KIAA0825: variants seen among roughly 807,000 people sequenced by gnomAD.
KIAA0825 encodes the protein KIAA0825, also known as uncharacterized protein KIAA0825.
A neutral mutation model predicts 147.6 loss-of-function variants in KIAA0825; 119 were observed. The ratio of observed to expected loss-of-function variants is 0.81; its 90% CI spans 0.69 to 0.94. The LOEUF is 0.94. Among genes scored for constraint, KIAA0825 ranks in the 40% least tolerant of loss-of-function variants. KIAA0825 has a pLI of 0.00. For synonymous variants in KIAA0825, 470 were observed against 518.1 expected (o/e 0.91, Z 1.26); for missense variants, 1,381 against 1,472.7 (o/e 0.94, Z 1.02).
intron 20 of KIAA0825, among the ~76,000 whole-genome samples, chr5:94,316,783 TG>T (rs1264509708): frequency 3.9e-5 from 6 of 151,956 alleles, no homozygotes; most frequent in Non-Finnish European, 8.8e-5. Flanking sequence ...TTTATTTTAT[TG>T]TTTTTTTAAT....
intron 2 of KIAA0825, among the ~76,000 whole-genome samples, chr5:94,560,882 G>T (rs1777439519): frequency 6.6e-6 from 1 of 152,154 alleles, no homozygotes; most frequent in South Asian, 2.1e-4. Context: ...ACACACATTT[G>T]GTTTTAACTC....
intron 20 of KIAA0825, among the ~76,000 whole-genome samples, chr5:94,298,295 T>C (rs1263983957): frequency 6.6e-6 from 1 of 151,978 alleles, no homozygotes; most frequent in Non-Finnish European, 1.5e-5. Flanking sequence ...CTACTCCAGG[T>C]GTCAACTGTA....
intron 20 of KIAA0825, among the ~76,000 whole-genome samples, chr5:94,296,584 A>G (rs1216041341): frequency 6.6e-6 from 1 of 152,180 alleles, no homozygotes; most frequent in Non-Finnish European, 1.5e-5. Context: ...TGATGGGAAA[A>G]GCATAGTATC....
intron 20 of KIAA0825, among the ~76,000 whole-genome samples, chr5:94,369,418 C>T (rs1041540620): frequency 2.6e-5 from 4 of 152,170 alleles, no homozygotes; most frequent in Non-Finnish European, 4.4e-5. Context: ...GACATATTTA[C>T]ATTACTTGCC....
intron 2 of KIAA0825, among the ~76,000 whole-genome samples, chr5:94,556,391 A>G (rs1482354623): frequency 6.6e-6 from 1 of 152,192 alleles, no homozygotes; most frequent in Non-Finnish European, 1.5e-5. Context: ...TGTCAATTAC[A>G]TTTTAAAGAA....
At chr5:94,541,647 T>G (rs915756231) in intron 2 of KIAA0825, among the ~76,000 whole-genome samples, 2 of 152,226 alleles carry the variant, frequency 1.3e-5, no homozygotes, top group Non-Finnish European at 2.9e-5. Flanking sequence ...GGCAAAGACT[T>G]GCTTTTAATC....
chr5:94,461,573 T>A (rs1424031225), intron 12 of KIAA0825, among the ~76,000 whole-genome samples: 1 of 151,924 alleles, frequency 6.6e-6, no homozygotes, highest in Non-Finnish European at 1.5e-5. Context: ...TTATTGAAAG[T>A]CAGAGTAGGT....
intron 20 of KIAA0825, among the ~76,000 whole-genome samples, chr5:94,268,342 C>G (rs1776824439): frequency 6.6e-6 from 1 of 151,976 alleles, no homozygotes; most frequent in African/African-American, 2.4e-5. Context: ...TCTGGGCGGG[C>G]TGGGTGTTGG....
chr5:94,587,364 T>C (rs1783502380), intron 1 of KIAA0825, among the ~76,000 whole-genome samples: 1 of 152,166 alleles, frequency 6.6e-6, no homozygotes, highest in Admixed American at 6.6e-5. Context: ...ACAAAATCAA[T>C]GTGCAAAAAT....
intron 18 of KIAA0825, among the ~76,000 whole-genome samples, chr5:94,391,201 C>T (rs1749847286): frequency 6.6e-6 from 1 of 152,222 alleles, no homozygotes; most frequent in African/African-American, 2.4e-5. Flanking sequence ...TGAAAATTCA[C>T]TGTACAAATA....
chr5:94,284,190 T>G (rs751709195), intron 20 of KIAA0825, among the ~76,000 whole-genome samples: 2 of 152,160 alleles, frequency 1.3e-5, no homozygotes, highest in African/African-American at 2.4e-5. Flanking sequence ...TATTTTCCTC[T>G]TCTTGGACCT....
chr5:94,572,188 T>A (rs1323179483), intron 2 of KIAA0825, among the ~76,000 whole-genome samples: 1 of 151,586 alleles, frequency 6.6e-6, no homozygotes, highest in African/African-American at 2.4e-5. Flanking sequence ...AAATGTACAA[T>A]CAACTGACCA....
At chr5:94,389,770 G>A (rs1391149000) in intron 18 of KIAA0825, among the ~76,000 whole-genome samples, 1 of 152,182 alleles carries the variant, frequency 6.6e-6, no homozygotes, top group Non-Finnish European at 1.5e-5. Context: ...ATGCTAGTCA[G>A]CTAGTCATGC....
chr5:94,612,862 AAAAAC>A (rs754981795), intron 1 of KIAA0825, among the ~76,000 whole-genome samples: 24 of 152,342 alleles, frequency 1.6e-4, no homozygotes, highest in East Asian at 5.8e-4. Context: ...TGAGTTTATT[AAAAAC>A]AAAACAAAAC....
At chr5:94,521,050 ATTTGAAATTTAATCAATTCAGATGT>A in intron 4 of KIAA0825, 133 bp from the exon 5 acceptor site, 1 of 823,350 alleles carries the variant, frequency 1.2e-6, no homozygotes, top group South Asian at 2.1e-5. Context: ...ATTTTTTTGC[ATTTGAAATTTAATCAATTCAGATGT>A]TTTAGAATGT....
intron 3 of KIAA0825, among the ~76,000 whole-genome samples, chr5:94,532,936 A>G (rs1374805023): frequency 6.6e-6 from 1 of 151,438 alleles, no homozygotes; most frequent in African/African-American, 2.4e-5. Context: ...AGATACAATT[A>G]TATTTATCCA....
chr5:94,554,415 G>C (rs1415967782), intron 2 of KIAA0825, among the ~76,000 whole-genome samples: 1 of 152,000 alleles, frequency 6.6e-6, no homozygotes, highest in Non-Finnish European at 1.5e-5. Context: ...ATAAAGCAAA[G>C]TGAAAATAAA....
At chr5:94,396,707 T>C (rs1187687591) in intron 16 of KIAA0825, among the ~76,000 whole-genome samples, 198 bp from the exon 17 acceptor site, 2 of 152,094 alleles carry the variant, frequency 1.3e-5, no homozygotes, top group Non-Finnish European at 2.9e-5. Flanking sequence ...ATCTGTTTTT[T>C]TTTTTCTCTC....
intron 12 of KIAA0825, among the ~76,000 whole-genome samples, chr5:94,460,411 G>A (rs1276878460): frequency 1.3e-5 from 2 of 151,970 alleles, no homozygotes; most frequent in Non-Finnish European, 2.9e-5. Flanking sequence ...TCCTGTCCAG[G>A]GATTTCGTGG....
Sources: gnomAD v4.1 joint callset for allele counts (sites outside exome capture counted in the v4.1 genomes callset) on GRCh38, gnomAD v4.1.1 for gene constraint, MANE v1.5 for transcripts, NCBI Gene and HGNC (gene_info 2026-07-23, HGNC 2026-07-21) for gene names.